Variants in FECH observed in about 807,000 individuals in gnomAD.
The protein encoded by FECH is ferrochelatase, mitochondrial.
A neutral mutation model predicts 56.9 loss-of-function variants in FECH; 40 were observed. The observed-to-expected ratio is 0.70, with a 90% CI of 0.55 to 0.92. The LOEUF (loss-of-function observed/expected upper bound fraction) is 0.92, where lower values mean the gene tolerates loss of function less well. FECH is among the 40% of genes least tolerant of loss of function. The pLI is 0.00. For missense variants in FECH, 431 were observed against 529.1 expected (o/e 0.81, Z 1.82); for synonymous variants, 175 against 198.6 (o/e 0.88, Z 1.00).
At chr18:57,559,606 G>C (rs1350349277) in intron 6 of FECH, among the ~76,000 whole-genome samples, 1 of 152,196 alleles carries the variant, frequency 6.6e-6, no homozygotes, top group South Asian at 2.1e-4. Flanking sequence ...TGCTCCGTTA[G>C]CAGGAAAACA....
Position 57,548,679 on chromosome 18 carries a change from T to C in FECH, c.*2033A>G, listed in dbSNP as rs1229096680. On this transcript the variant is annotated 3_prime_UTR_variant, in exon 11 of 11. Coordinates refer to ENST00000262093, the MANE Select transcript of FECH (RefSeq NM_000140.5). Reference sequence around the variant, plus strand: ...GGTTAGTAACAATCAAAGGCAACACTTCTTACAGCAACAAATGCCATGAGC... The same window carrying C: ...GGTTAGTAACAATCAAAGGCAACACCTCTTACAGCAACAAATGCCATGAGC... 1 of 152,214 alleles carries C rather than the reference T, an allele frequency of 6.6e-6. No homozygotes were observed. Among genetic ancestry groups the C allele is most frequent in the Non-Finnish European group, 1.5e-5 (1 of 68,048 alleles). 9.4% of individuals were successfully genotyped at this position (152,214 alleles called of 1,614,324 possible).
At chr18:57,571,009 AG>A (rs1431360264) in intron 4 of FECH, among the ~76,000 whole-genome samples, 1 of 152,254 alleles carries the variant, frequency 6.6e-6, no homozygotes, top group Non-Finnish European at 1.5e-5. Context: ...CTATCCAACC[AG>A]AAAGAAAAGG....
Position 57,557,863 on chromosome 18 carries a change from C to T in FECH, c.804+1282G>A, listed in dbSNP as rs114588010. On this transcript the variant is annotated intron_variant, in intron 7 of 10. Coordinates refer to ENST00000262093, the MANE Select transcript of FECH (RefSeq NM_000140.5). ...AGGGCTTCCCTTCTGGCATCTCAGG[C>T]GAGGTCTCACCTTACATAGGATGAA... 1.3e-3 allele frequency among the ~76,000 whole-genome samples: 200 copies of T among 152,200 alleles called. 1 individual carries two copies. The highest frequency in any genetic ancestry group is 4.5e-3 in the African/African-American group (188 of 41,530).
intron 6 of FECH, 150 bp downstream of exon 6, chr18:57,562,724 C>A (rs558961357): frequency 3.3e-4 from 213 of 651,006 alleles, no homozygotes; most frequent in African/African-American, 3.1e-3. Context: ...CATAATAAAT[C>A]AAGAATATAA....
At chr18:57,584,200 C>G (rs1203558638) in intron 1 of FECH, among the ~76,000 whole-genome samples, 1 of 141,474 alleles carries the variant, frequency 7.1e-6, no homozygotes, top group Non-Finnish European at 1.5e-5. Context: ...AAAAAGAAAA[C>G]AAAACTTCAT....
Position 57,547,927 on chromosome 18 carries a change from C to T in FECH, c.*2785G>A, listed in dbSNP as rs769169244. 3.3e-5 allele frequency among the ~76,000 whole-genome samples: 5 copies of T among 152,156 alleles called. No homozygotes were observed. Among genetic ancestry groups the T allele is most frequent in the Non-Finnish European group, 5.9e-5 (4 of 68,022 alleles). On this transcript the variant is annotated 3_prime_UTR_variant, in exon 11 of 11. Coordinates refer to ENST00000262093, the MANE Select transcript of FECH (RefSeq NM_000140.5). Reference sequence around the variant, plus strand: ...TTGGAATTACACATGTAAGGCACGGCACCCAGCCTCACATTTAAAGGGCTT... The same window carrying T: ...TTGGAATTACACATGTAAGGCACGGTACCCAGCCTCACATTTAAAGGGCTT...
intron 3 of FECH, among the ~76,000 whole-genome samples, chr18:57,572,413 G>A (rs1305887290): frequency 6.6e-6 from 1 of 150,874 alleles, no homozygotes; most frequent in African/African-American, 2.4e-5. Flanking sequence ...GGCCTATCGT[G>A]GAGTGGGGGG....
Position 57,546,025 on chromosome 18 carries a change from A to G in FECH, c.*4687T>C, listed in dbSNP as rs1223859344. On this transcript the variant is annotated 3_prime_UTR_variant, in exon 11 of 11. Transcript: ENST00000262093. ...TCCACACTCAGGTCTCCATTTTGCTATTAAAAATTGAGAAGCTGAATAATC... is the reference window on the plus strand; with the variant it reads ...TCCACACTCAGGTCTCCATTTTGCTGTTAAAAATTGAGAAGCTGAATAATC... Among the ~76,000 whole-genome samples the G allele has an allele frequency of 6.6e-6, 1 of 152,188 alleles. No homozygotes were observed. The highest frequency in any genetic ancestry group is 1.5e-5 in the Non-Finnish European group (1 of 68,032).
At chr18:57,579,056 T>G (rs2051226849) in intron 2 of FECH, among the ~76,000 whole-genome samples, 1 of 151,970 alleles carries the variant, frequency 6.6e-6, no homozygotes. Context: ...GAGACCAGCC[T>G]GGCTAACATA....
intron 4 of FECH, 25 bp downstream of exon 4, chr18:57,571,365 TTA>T: frequency 3.7e-6 from 6 of 1,610,584 alleles, no homozygotes; most frequent in Non-Finnish European, 5.1e-6. Flanking sequence ...ACTAATCTAG[TTA>T]CATGTTAATG....
At chr18:57,564,299 T>C (rs555198392) in intron 5 of FECH, among the ~76,000 whole-genome samples, 2 of 152,346 alleles carry the variant, frequency 1.3e-5, no homozygotes, top group East Asian at 3.9e-4. Context: ...AATAAACTTA[T>C]ATTTCTAAGA....
chr18:57,571,592 G>A (rs985717172), intron 3 of FECH, 52 bp from the exon 4 acceptor site: 4 of 1,613,658 alleles, frequency 2.5e-6, no homozygotes, highest in African/African-American at 1.3e-5. Context: ...TTAGCAACCT[G>A]AGAAATGTTT....
intron 1 of FECH, among the ~76,000 whole-genome samples, chr18:57,581,875 C>T (rs187689485): frequency 6.6e-5 from 10 of 152,140 alleles, no homozygotes; most frequent in Admixed American, 1.3e-4. Context: ...AGATTTCCAA[C>T]CACCCAGATT....
chr18:57,563,873 C>T (rs979402105), intron 5 of FECH, among the ~76,000 whole-genome samples: 2 of 151,980 alleles, frequency 1.3e-5, no homozygotes, highest in African/African-American at 4.8e-5. Context: ...ATGATAAAAG[C>T]TTTGTAACTA....
rs374584688 is a variant in FECH at position 57,554,542 on chromosome 18, C to A, written c.913-118G>T. On this transcript the variant is annotated intron_variant, in intron 8 of 10. Transcript: ENST00000262093. ...CTGCGGGCAAGAGCCACTCTTTACA[C>A]CTGCTTGAATGGATTTTGATATTTT... 4.7e-6 allele frequency: 5 copies of A among 1,064,080 alleles called. No individual in the cohort carries two copies. The South Asian group carries it at 6.3e-5, about 13-fold the overall frequency. 65.9% of individuals were successfully genotyped at this position (1,064,080 alleles called of 1,614,324 possible). A position where few individuals can be genotyped will look rare whatever the true frequency, so the allele number is the denominator to read the frequency against.
chr18:57,563,604 A>AAAAAAAAAT (rs2050976313), intron 5 of FECH, among the ~76,000 whole-genome samples: 2 of 149,404 alleles, frequency 1.3e-5, no homozygotes, highest in African/African-American at 2.4e-5. Flanking sequence ...AAAAAAAAAA[A>AAAAAAAAAT]GTATGTTATT....
chr18:57,578,964 A>AT (rs2051224355), intron 2 of FECH, among the ~76,000 whole-genome samples: 2 of 148,216 alleles, frequency 1.3e-5, no homozygotes, highest in African/African-American at 5.0e-5. Flanking sequence ...CTCTCAAAAA[A>AT]AAAATAAAAT....
chr18:57,550,703 C>T lies in FECH; in HGVS notation c.*9G>A, dbSNP rs180762448. The stretch of plus-strand genomic sequence containing the variant: ...ATTTGCCTAACGCCACGGGGTCCAC[C>T]GGCGGGGGTCACAGCTGCTGGCTGG... On this transcript the variant is annotated 3_prime_UTR_variant, in exon 11 of 11. Transcript: ENST00000262093. 63 of 1,613,690 alleles carry T rather than the reference C, an allele frequency of 3.9e-5. No individual in the cohort carries two copies. The highest frequency in any genetic ancestry group is 1.1e-4 in the African/African-American group (8 of 75,034).
chr18:57,551,592 C>T (rs751244014), intron 9 of FECH, among the ~76,000 whole-genome samples: 1 of 151,842 alleles, frequency 6.6e-6, no homozygotes, highest in African/African-American at 2.4e-5. Flanking sequence ...ATTCTTATGT[C>T]CTTCCCCTTC....
Sources: gnomAD v4.1 joint callset for allele counts (sites outside exome capture counted in the v4.1 genomes callset) on GRCh38, gnomAD v4.1.1 for gene constraint, MANE v1.5 for transcripts, NCBI Gene and HGNC (gene_info 2026-07-23, HGNC 2026-07-21) for gene names.